TFCP2L1: variants seen among roughly 807,000 people sequenced by gnomAD.
TFCP2L1 encodes the protein transcription factor CP2-like protein 1.
In TFCP2L1, 12 loss-of-function variants were observed where a neutral mutation model predicts 72.2. The ratio of observed to expected loss-of-function variants is 0.17; its 90% CI spans 0.11 to 0.27. The LOEUF (loss-of-function observed/expected upper bound fraction) is 0.27, where lower values mean the gene tolerates loss of function less well. TFCP2L1 is among the 10% of genes least tolerant of loss of function. TFCP2L1 has a pLI of 1.00. For missense variants in TFCP2L1, 488 were observed against 624.6 expected (o/e 0.78, Z 2.33); for synonymous variants, 260 against 251.0 (o/e 1.04, Z -0.34).
chr2:121,242,550 AC>A, intron 6 of TFCP2L1, 81 bp from the exon 7 acceptor site: 5 of 1,373,088 alleles, frequency 3.6e-6, no homozygotes, highest in Non-Finnish European at 5.2e-6. Flanking sequence ...TTCCCACCTC[AC>A]CCAGGGCCCC....
chr2:121,275,464 T>A lies in TFCP2L1; in HGVS notation c.214+5656A>T, dbSNP rs545760808. ...ATGTTTAGGATACTTTTAATAATAA[T>A]GGAAAATGTTATTACAAGAACAGTA... On this transcript the variant is annotated intron_variant, in intron 2 of 14. Coordinates refer to ENST00000263707, the MANE Select transcript of TFCP2L1 (RefSeq NM_014553.3). 7.4e-5 allele frequency among the ~76,000 whole-genome samples: 11 copies of A among 148,306 alleles called. No individual in the cohort carries two copies. The South Asian group carries it at 2.3e-3, about 32-fold the overall frequency.
At chr2:121,233,973 TG>T in intron 12 of TFCP2L1, 117 bp downstream of exon 12, 1 of 888,306 alleles carries the variant, frequency 1.1e-6, no homozygotes, top group Non-Finnish European at 1.8e-6. Context: ...TGTGGGCATG[TG>T]GGAGCCCAGG....
At chr2:121,231,736 A>G (rs1268805679) in intron 13 of TFCP2L1, 90 bp downstream of exon 13, 1 of 1,547,006 alleles carries the variant, frequency 6.5e-7, no homozygotes, top group African/African-American at 1.4e-5. Flanking sequence ...TGTCACTCCC[A>G]AACCCAAGTG....
Position 121,217,629 on chromosome 2 carries a change from A to T in TFCP2L1, c.*6712T>A, listed in dbSNP as rs1685858634. The T allele has an allele frequency of 6.6e-6, 1 of 152,430 alleles. No homozygotes were observed. The highest frequency in any genetic ancestry group is 2.4e-5 in the African/African-American group (1 of 41,462). The allele number at this position is 152,430 out of a possible 1,614,324, so 9.4% of individuals were successfully genotyped here. A position where few individuals can be genotyped will look rare whatever the true frequency, so the allele number is the denominator to read the frequency against. ...GGAAGAGGCTTGCAGGCTCCAGAGA[A>T]GCCAAAAGGTCCTCAGTCCCCAAGG... On this transcript the variant is annotated 3_prime_UTR_variant, in exon 15 of 15. Transcript: ENST00000263707.
intron 2 of TFCP2L1, among the ~76,000 whole-genome samples, chr2:121,277,745 G>A (rs1245543291): frequency 2.0e-5 from 3 of 152,092 alleles, no homozygotes; most frequent in Non-Finnish European, 4.4e-5. Flanking sequence ...TCAATGACAT[G>A]AGACGGCTGA....
chr2:121,225,438 T>G (rs1686009017), intron 14 of TFCP2L1, 124 bp downstream of exon 14: 2 of 923,738 alleles, frequency 2.2e-6, no homozygotes, highest in Admixed American at 3.9e-5. Context: ...CACGGAGAGT[T>G]TGTGCTTTCT....
chr2:121,226,550 C>T (rs1362811594), intron 13 of TFCP2L1, among the ~76,000 whole-genome samples: 3 of 151,996 alleles, frequency 2.0e-5, no homozygotes, highest in African/African-American at 4.8e-5. Flanking sequence ...TGCACATCAG[C>T]GTCCTACAAA....
intron 3 of TFCP2L1, 107 bp from the exon 4 acceptor site, chr2:121,249,194 C>G (rs1466360004): frequency 1.0e-5 from 8 of 794,950 alleles, no homozygotes; most frequent in Admixed American, 3.2e-5. Context: ...GGCCCCTCCC[C>G]CTGGGGCTTC....
At position 121,248,200 on chromosome 2, in the gene TFCP2L1, C is replaced by T. The variant is rs573950172; in HGVS notation, c.468G>A (p.Leu156=). 6.2e-7 allele frequency: 1 copy of T among 1,614,072 alleles called. No individual in the cohort carries two copies. Among genetic ancestry groups the T allele is most frequent in the East Asian group, 2.2e-5 (1 of 44,884 alleles). ...CAGAAGCTCTCTTCGCAGGGTCCCA[C>T]AAAAACTCGACTGCATTCAGCTGGG... ...SPTQLNAVEF[L]WDPAKRASAF... is the part of the protein sequence containing the mutation. Residue 156 remains leucine, a synonymous_variant, in exon 5 of 15, where the codon TTG becomes TTA. Coordinates refer to ENST00000263707, the MANE Select transcript of TFCP2L1 (RefSeq NM_014553.3).
At chr2:121,230,067 C>T (rs550238788) in intron 13 of TFCP2L1, among the ~76,000 whole-genome samples, 52 of 152,296 alleles carry the variant, frequency 3.4e-4, no homozygotes, top group African/African-American at 1.2e-3. Context: ...ATACAGAGGC[C>T]TTCAGAATTC....
chr2:121,267,342 C>T (rs1335546851), intron 2 of TFCP2L1, among the ~76,000 whole-genome samples: 2 of 152,194 alleles, frequency 1.3e-5, no homozygotes, highest in East Asian at 3.8e-4. Context: ...TGAACCACCA[C>T]ATCCAGCAAT....
intron 2 of TFCP2L1, among the ~76,000 whole-genome samples, chr2:121,267,332 T>A (rs1466385404): frequency 6.6e-6 from 1 of 152,202 alleles, no homozygotes; most frequent in Admixed American, 6.5e-5. Flanking sequence ...ACTATAAGCA[T>A]GAACCACCAC....
chr2:121,285,017 G>A, intron 1 of TFCP2L1, 31 bp downstream of exon 1: 8 of 1,462,734 alleles, frequency 5.5e-6, no homozygotes, highest in Admixed American at 2.6e-5. Flanking sequence ...GGCCCGGCCC[G>A]AGACCCGCGG....
chr2:121,235,805 T>C (rs1220763324), intron 10 of TFCP2L1, among the ~76,000 whole-genome samples: 1 of 151,806 alleles, frequency 6.6e-6, no homozygotes, highest in Non-Finnish European at 1.5e-5. Context: ...TGTCTGTATG[T>C]GGAAGTATAC....
intron 2 of TFCP2L1, 52 bp from the exon 3 acceptor site, chr2:121,249,699 G>A (rs1334819700): frequency 1.3e-6 from 2 of 1,594,086 alleles, no homozygotes; most frequent in East Asian, 2.2e-5. Flanking sequence ...TCTAAATTTG[G>A]GGTTCATTCA....
intron 2 of TFCP2L1, among the ~76,000 whole-genome samples, chr2:121,254,332 A>T (rs984805075): frequency 1.1e-4 from 17 of 152,316 alleles, no homozygotes; most frequent in African/African-American, 4.1e-4. Context: ...AATGTTTAAA[A>T]TTTCTGTAAG....
At position 121,239,623 on chromosome 2, in the gene TFCP2L1, G is replaced by A. The variant is rs143023699; in HGVS notation, c.795C>T (p.Tyr265=). The A allele has an allele frequency of 8.0e-4, 1,287 of 1,614,182 alleles. 1 individual carries two copies. The highest frequency in any genetic ancestry group is 1.0e-3 in the Non-Finnish European group (1,203 of 1,180,030). The part of the protein sequence containing the change: ...TECSPWPDVA[Y]QVNSAPSPSY... Reference sequence around the variant, plus strand: ...TTGGGGACGGGGCGCTGTTCACCTGGTAGGCCACGTCGGGCCATGGAGAGC... The same window carrying A: ...TTGGGGACGGGGCGCTGTTCACCTGATAGGCCACGTCGGGCCATGGAGAGC... The change falls in exon 8 of 15, where the codon TAC becomes TAT. Residue 265 remains tyrosine, a synonymous_variant. Transcript: ENST00000263707.
chr2:121,257,176 G>A (rs1013526953), intron 2 of TFCP2L1, among the ~76,000 whole-genome samples: 4 of 152,204 alleles, frequency 2.6e-5, no homozygotes, highest in African/African-American at 9.6e-5. Flanking sequence ...GCCCAGAGGA[G>A]CCAAGGTGAC....
At chr2:121,247,064 C>A in intron 5 of TFCP2L1, 94 bp from the exon 6 acceptor site, 1 of 1,492,202 alleles carries the variant, frequency 6.7e-7, no homozygotes. Context: ...GTGTCCTTCC[C>A]TGCTTGGTCA....
Sources: gnomAD v4.1 joint callset for allele counts (sites outside exome capture counted in the v4.1 genomes callset) on GRCh38, gnomAD v4.1.1 for gene constraint, MANE v1.5 for transcripts, NCBI Gene and HGNC (gene_info 2026-07-23, HGNC 2026-07-21) for gene names.